The following CSPP1 variants were observed in gnomAD, a reference collection of about 807,000 sequenced individuals.
CSPP1 encodes the protein centrosome and spindle pole-associated protein 1.
CSPP1 carries 126 observed loss-of-function variants against 164.4 expected under a neutral mutation model. That is an observed-to-expected ratio of 0.77 (90% CI 0.66 to 0.89). CSPP1 has a LOEUF of 0.89. Among genes scored for constraint, CSPP1 ranks in the 40% least tolerant of loss-of-function variants. CSPP1 has a pLI of 0.00. For missense variants in CSPP1, 1,395 were observed against 1,449.8 expected, an observed-to-expected ratio of 0.96 and a Z score of 0.61; for synonymous variants, 472 against 476.7, an observed-to-expected ratio of 0.99 and a Z score of 0.13.
In CSPP1 at chr8:67,190,760, G is replaced by GT. The variant is rs752616996; in HGVS notation, c.3330+2dup. On this transcript the variant is annotated splice_donor_variant, in intron 29 of 30. Coordinates refer to ENST00000678616, the MANE Select transcript of CSPP1 (RefSeq NM_001382391.1). LOFTEE classifies it high-confidence loss of function. Reference sequence around the variant, plus strand: ...GAACAAATGGAAAGGACTAGACATTGTATGTATGAGACTTTTCTCCCCCTT... The same window carrying GT: ...GAACAAATGGAAAGGACTAGACATTGTTATGTATGAGACTTTTCTCCCCCTT... 3 of 1,591,610 alleles carry GT rather than the reference G, an allele frequency of 1.9e-6. No homozygotes were observed. The highest frequency in any genetic ancestry group is 2.2e-5 in the South Asian group (2 of 90,602).
In CSPP1 at chr8:67,103,116, T is replaced by C; in HGVS notation, c.1003T>C (p.Ser335Pro). The C allele has an allele frequency of 6.3e-7, 1 of 1,595,796 alleles. No homozygotes were observed. Among genetic ancestry groups the C allele is most frequent in the Non-Finnish European group, 8.6e-7 (1 of 1,163,612 alleles). Residue 335 changes from serine (S) to proline (P), a missense_variant, in exon 8 of 31, where the codon TCA becomes CCA. Coordinates refer to ENST00000678616, the MANE Select transcript of CSPP1 (RefSeq NM_001382391.1). ...TATAGAACAGTCAAACATAAGAATT[T>C]CATCTGCTGAAAATAAAAGGTACAG... Reference protein sequence around the residue: ...DVIEQSNIRISSAENKSAPDN... With the variant: ...DVIEQSNIRIPSAENKSAPDN...
At chr8:67,117,715 C>CT (rs1453794608) in intron 13 of CSPP1, among the ~76,000 whole-genome samples, 4 of 152,274 alleles carry the variant, frequency 2.6e-5, no homozygotes, top group Admixed American at 1.3e-4. Flanking sequence ...TGTCCTTCCT[C>CT]TAACACACAC....
intron 1 of CSPP1, among the ~76,000 whole-genome samples, chr8:67,072,886 A>AG (rs1807119740): frequency 6.6e-6 from 1 of 151,648 alleles, no homozygotes; most frequent in Admixed American, 6.6e-5. Context: ...AAAAAAAAAA[A>AG]AAAAGAAAGA....
At chr8:67,149,261 C>T (rs1825221664) in intron 17 of CSPP1, among the ~76,000 whole-genome samples, 1 of 152,114 alleles carries the variant, frequency 6.6e-6, no homozygotes, top group East Asian at 1.9e-4. Context: ...AAGTCATATA[C>T]CATTATTTCT....
At chr8:67,074,191 T>C (rs1033700929) in intron 1 of CSPP1, 52 bp from the exon 2 acceptor site, 1 of 1,011,290 alleles carries the variant, frequency 9.9e-7, no homozygotes, top group South Asian at 1.4e-5. Context: ...TGTTGATAAT[T>C]AGGCTAAAAA....
chr8:67,187,023 T>C (rs1190312320), intron 28 of CSPP1, among the ~76,000 whole-genome samples: 3 of 152,010 alleles, frequency 2.0e-5, no homozygotes, highest in African/African-American at 7.2e-5. Context: ...CTAATCTATC[T>C]ATCTAGAACT....
rs754877621 is a variant in CSPP1, at chr8:67,154,016, CT to C, written c.2129-5del. 1.4e-6 allele frequency: 2 copies of C among 1,467,670 alleles called. No homozygotes were observed. The highest frequency in any genetic ancestry group is 4.6e-5 in the East Asian group (2 of 43,456). The allele number at this position is 1,467,670 out of a possible 1,614,324, so 90.9% of individuals were successfully genotyped here. On this transcript the variant is annotated splice_region_variant and splice_polypyrimidine_tract_variant and intron_variant, in intron 18 of 30. Transcript: ENST00000678616. ...AATAGTATGTTTTTGCAAAATATTT[CT>C]TTCAAGGTCATATGCAAACACAGAG...
At position 67,095,490 on chromosome 8, in the gene CSPP1, G is replaced by C. The variant is rs760482036; in HGVS notation, c.681G>C (p.Arg227Ser). The change falls in exon 7 of 31, where the codon AGG (arginine) becomes AGC (serine). Residue 227 changes from arginine (R) to serine (S), a missense_variant. By Grantham distance (110) the Arg-to-Ser change is moderately radical (BLOSUM62 -1). Transcript: ENST00000678616. Reference protein sequence around the residue: ...YRQLDDEIELRNRRIIKKANE... With the variant: ...YRQLDDEIELSNRRIIKKANE... ...AACTAGATGATGAAATCGAATTAAG[G>C]AATAGAAGAATTATTAAAAAAGCAA... is the stretch of plus-strand genomic sequence containing the variant. The C allele has an allele frequency of 6.2e-7, 1 of 1,613,356 alleles. No individual in the cohort carries two copies. Among genetic ancestry groups the C allele is most frequent in the South Asian group, 1.1e-5 (1 of 91,046 alleles).
chr8:67,195,125 T>C (rs963463791), intron 30 of CSPP1, among the ~76,000 whole-genome samples: 12 of 152,216 alleles, frequency 7.9e-5, no homozygotes, highest in Non-Finnish European at 2.9e-5. Flanking sequence ...ATCCCTCTGG[T>C]TGCTAGTGCC....
intron 8 of CSPP1, 27 bp from the exon 9 acceptor site, chr8:67,105,878 T>C (rs1469925029): frequency 7.7e-7 from 1 of 1,305,042 alleles, no homozygotes; most frequent in Admixed American, 1.7e-5. Context: ...TTTAATTTAC[T>C]CTTTTTCTCT....
Position 67,076,536 on chromosome 8 carries a change from A to G in CSPP1, c.154A>G (p.Lys52Glu). 2.5e-6 allele frequency: 4 copies of G among 1,603,774 alleles called. No individual in the cohort carries two copies. The highest frequency in any genetic ancestry group is 3.4e-6 in the Non-Finnish European group (4 of 1,175,390). Residue 52 changes from lysine (K) to glutamate (E), a missense_variant, in exon 3 of 31, where the codon AAG becomes GAG. Coordinates refer to ENST00000678616, the MANE Select transcript of CSPP1 (RefSeq NM_001382391.1). ...ENSKILISMA[K>E]ENIPPNSQQT... ...CAGTAAGATACTGATCTCTATGGCT[A>G]AGGAAAACATACCACCAAATAGTCA...
At chr8:67,186,086 C>T (rs1445357370) in intron 28 of CSPP1, among the ~76,000 whole-genome samples, 2 of 152,150 alleles carry the variant, frequency 1.3e-5, no homozygotes, top group Admixed American at 1.3e-4. Context: ...AGATCTCTGG[C>T]AGTGGAGGAA....
chr8:67,159,575 T>G (rs1043138444), intron 21 of CSPP1, among the ~76,000 whole-genome samples: 3 of 136,628 alleles, frequency 2.2e-5, no homozygotes, highest in Non-Finnish European at 4.6e-5. Context: ...GGCTCTGGAG[T>G]GCAGTGGCAC....
intron 15 of CSPP1, among the ~76,000 whole-genome samples, chr8:67,128,560 C>T (rs1820574250): frequency 6.7e-6 from 1 of 150,096 alleles, no homozygotes; most frequent in African/African-American, 2.5e-5. Context: ...AAAAAAGCTT[C>T]TTGGCCGGGT....
At chr8:67,096,412 A>G (rs941070889) in intron 7 of CSPP1, among the ~76,000 whole-genome samples, 1 of 152,002 alleles carries the variant, frequency 6.6e-6, no homozygotes, top group Non-Finnish European at 1.5e-5. Context: ...TAAAAATACA[A>G]AAATTAGCCA....
chr8:67,179,450 G>A (rs1563766806), intron 27 of CSPP1, among the ~76,000 whole-genome samples: 2 of 152,174 alleles, frequency 1.3e-5, no homozygotes, highest in Non-Finnish European at 2.9e-5. Context: ...GGCTATACAG[G>A]TTTATGGAAA....
intron 4 of CSPP1, among the ~76,000 whole-genome samples, chr8:67,088,780 C>T (rs1328932724): frequency 6.6e-6 from 1 of 151,296 alleles, no homozygotes; most frequent in East Asian, 2.0e-4. Flanking sequence ...GCCTGTAGTC[C>T]CAGCTACTCG....
At chr8:67,078,627 C>G (rs1231464409) in intron 3 of CSPP1, among the ~76,000 whole-genome samples, 1 of 151,948 alleles carries the variant, frequency 6.6e-6, no homozygotes, top group Non-Finnish European at 1.5e-5. Context: ...TCCCAAAGTT[C>G]TGGGATTACA....
At chr8:67,144,577 C>T (rs1298797282) in intron 17 of CSPP1, among the ~76,000 whole-genome samples, 1 of 152,058 alleles carries the variant, frequency 6.6e-6, no homozygotes, top group Non-Finnish European at 1.5e-5. Context: ...GTAGCTGGGA[C>T]TACAGTCATG....
Sources: gnomAD v4.1 joint callset for allele counts (sites outside exome capture counted in the v4.1 genomes callset) on GRCh38, gnomAD v4.1.1 for gene constraint, MANE v1.5 for transcripts, NCBI Gene and HGNC (gene_info 2026-07-23, HGNC 2026-07-21) for gene names.